LYPLAL1: variants seen among roughly 807,000 people sequenced by gnomAD.
LYPLAL1 encodes lysophospholipase-like protein 1.
Under a neutral mutation model 19.7 loss-of-function variants are expected in LYPLAL1, and 23 were observed. The observed-to-expected ratio is 1.17, with a 90% CI of 0.84 to 1.65. The LOEUF (loss-of-function observed/expected upper bound fraction) is 1.65, where lower values mean the gene tolerates loss of function less well. LYPLAL1 is among the 40% of genes most tolerant of loss of function. LYPLAL1 has a pLI of 0.00. For missense variants in LYPLAL1, 355 were observed against 279.4 expected, an observed-to-expected ratio of 1.27 and a Z score of -1.93; for synonymous variants, 119 against 96.3, an observed-to-expected ratio of 1.24 and a Z score of -1.38.
chr1:219,289,079 T>TTTG, the LYPLAL1 span, among the ~76,000 whole-genome samples: 1 of 45,284 alleles, frequency 2.2e-5, no homozygotes, highest in African/African-American at 6.1e-5. Flanking sequence ...TCTTGTTTTG[T>TTTG]TTTTTTTGTT....
the LYPLAL1 span, among the ~76,000 whole-genome samples, chr1:219,221,264 A>C: frequency 6.6e-6 from 1 of 152,138 alleles, no homozygotes; most frequent in African/African-American, 2.4e-5. Flanking sequence ...GCTTAGCCGA[A>C]GCATTGGTGA....
At chr1:219,422,905 TACTC>T in the LYPLAL1 span, among the ~76,000 whole-genome samples, 17 of 152,190 alleles carry the variant, frequency 1.1e-4, no homozygotes, top group African/African-American at 2.9e-4. Flanking sequence ...GTCATTCACT[TACTC>T]AGTTGGTAAT....
the LYPLAL1 span, among the ~76,000 whole-genome samples, chr1:219,387,912 G>T: frequency 6.6e-6 from 1 of 152,062 alleles, no homozygotes; most frequent in Non-Finnish European, 1.5e-5. Context: ...ACCTAGATTC[G>T]GTTCTAATTC....
At chr1:219,175,409 A>C (rs1004024229) in intron 1 of LYPLAL1, among the ~76,000 whole-genome samples, 1 of 152,186 alleles carries the variant, frequency 6.6e-6, no homozygotes, top group Non-Finnish European at 1.5e-5. Context: ...AAGAGTGTTC[A>C]TTTATAAGTA....
chr1:219,321,845 A>G, the LYPLAL1 span, among the ~76,000 whole-genome samples: 7 of 152,306 alleles, frequency 4.6e-5, no homozygotes, highest in South Asian at 1.5e-3. Context: ...AGAGTGACAG[A>G]ACGGCACACC....
chr1:219,370,342 C>T, the LYPLAL1 span, among the ~76,000 whole-genome samples: 1 of 152,184 alleles, frequency 6.6e-6, no homozygotes, highest in South Asian at 2.1e-4. Flanking sequence ...TTTCTTTTCT[C>T]GTGGCCCATG....
the LYPLAL1 span, among the ~76,000 whole-genome samples, chr1:219,393,984 G>T: frequency 6.6e-6 from 1 of 151,704 alleles, no homozygotes; most frequent in Non-Finnish European, 1.5e-5. Context: ...TTGTATATAT[G>T]TATTAATTAA....
the LYPLAL1 span, among the ~76,000 whole-genome samples, chr1:219,422,621 A>G: frequency 1.3e-5 from 2 of 152,234 alleles, no homozygotes; most frequent in African/African-American, 4.8e-5. Flanking sequence ...TAAAAAAAAG[A>G]GTACATCTTA....
chr1:219,376,156 G>A, the LYPLAL1 span, among the ~76,000 whole-genome samples: 2 of 152,136 alleles, frequency 1.3e-5, no homozygotes, highest in African/African-American at 4.8e-5. Context: ...ATATAGACCA[G>A]TGAAATAAAG....
chr1:219,239,271 C>A, the LYPLAL1 span, among the ~76,000 whole-genome samples: 1 of 152,154 alleles, frequency 6.6e-6, no homozygotes, highest in African/African-American at 2.4e-5. Context: ...GAACAAAGCC[C>A]AGATGTGCAG....
At chr1:219,259,457 A>G in the LYPLAL1 span, among the ~76,000 whole-genome samples, 3 of 149,092 alleles carry the variant, frequency 2.0e-5, no homozygotes, top group Non-Finnish European at 3.0e-5. Flanking sequence ...ATACTACTCA[A>G]CCATATAAAG....
the LYPLAL1 span, chr1:219,442,567 C>A: frequency 2.0e-5 from 3 of 152,202 alleles, no homozygotes; most frequent in Non-Finnish European, 2.9e-5. Flanking sequence ...CTAACGGAAA[C>A]TCACCCCAGG....
the LYPLAL1 span, among the ~76,000 whole-genome samples, chr1:219,303,172 TAATC>T: frequency 1.1e-4 from 17 of 152,366 alleles, no homozygotes; most frequent in African/African-American, 3.8e-4. Context: ...TATTAATAAT[TAATC>T]AATCAATTCA....
At chr1:219,403,681 C>T in the LYPLAL1 span, among the ~76,000 whole-genome samples, 1 of 152,244 alleles carries the variant, frequency 6.6e-6, no homozygotes, top group Admixed American at 6.5e-5. Flanking sequence ...AGAGAATAGT[C>T]AAAGGGAGCA....
chr1:219,374,239 T>C, the LYPLAL1 span, among the ~76,000 whole-genome samples: 10 of 152,084 alleles, frequency 6.6e-5, no homozygotes, highest in African/African-American at 2.2e-4. Context: ...TAAAATCCAA[T>C]TGGCAGAGAA....
chr1:219,221,542 G>A, the LYPLAL1 span, among the ~76,000 whole-genome samples: 2 of 152,080 alleles, frequency 1.3e-5, no homozygotes, highest in Non-Finnish European at 2.9e-5. Flanking sequence ...CCTGGGGGTC[G>A]GGTGCTCAGT....
chr1:219,179,807 C>T (rs374152161), intron 2 of LYPLAL1, among the ~76,000 whole-genome samples: 1 of 152,148 alleles, frequency 6.6e-6, no homozygotes, highest in African/African-American at 2.4e-5. Context: ...AATAAAACTG[C>T]TATAGTTTTG....
the LYPLAL1 span, among the ~76,000 whole-genome samples, chr1:219,288,078 G>A: frequency 6.6e-6 from 1 of 152,080 alleles, no homozygotes; most frequent in African/African-American, 2.4e-5. Flanking sequence ...GTGTGAGAAC[G>A]GGCTAATACA....
the LYPLAL1 span, chr1:219,442,720 C>A: frequency 6.6e-6 from 1 of 152,082 alleles, no homozygotes; most frequent in African/African-American, 2.4e-5. Flanking sequence ...TATCATCAAC[C>A]AGAGGGAAGG....
Sources: allele counts gnomAD v4.1 joint callset (sites outside exome capture counted in the v4.1 genomes callset), GRCh38; gene constraint gnomAD v4.1.1; transcripts MANE v1.5; gene names NCBI Gene and HGNC (gene_info 2026-07-23, HGNC 2026-07-21).